TNKS2: variants seen among roughly 807,000 people sequenced by gnomAD.
The protein encoded by TNKS2 is poly [ADP-ribose] polymerase tankyrase-2.
A neutral mutation model predicts 137.6 loss-of-function variants in TNKS2; 72 were observed. That is an observed-to-expected ratio of 0.52 (90% CI 0.43 to 0.64). The LOEUF is 0.64. TNKS2 is among the 30% of genes least tolerant of loss of function. TNKS2 has a pLI of 0.00. For synonymous variants in TNKS2, 516 were observed against 512.1 expected (o/e 1.01, Z -0.10); for missense variants, 1,049 against 1,410.2 (o/e 0.74, Z 4.10).
At chr10:91,810,513 GT>G (rs1564604061) in intron 1 of TNKS2, among the ~76,000 whole-genome samples, 1 of 151,444 alleles carries the variant, frequency 6.6e-6, no homozygotes, top group Admixed American at 6.6e-5. Context: ...GTTTTGTTTT[GT>G]TTTTTTGAGA....
At chr10:91,836,316 A>G (rs933532957) in intron 12 of TNKS2, among the ~76,000 whole-genome samples, 14 of 151,750 alleles carry the variant, frequency 9.2e-5, no homozygotes, top group Non-Finnish European at 1.6e-4. Context: ...TTCTTCTAGT[A>G]TTTTTAGGGT....
At chr10:91,851,163 G>GA (rs1408621232) in intron 20 of TNKS2, 53 bp from the exon 21 acceptor site, 1 of 1,597,520 alleles carries the variant, frequency 6.3e-7, no homozygotes, top group East Asian at 2.2e-5. Context: ...ACCAATATAT[G>GA]AATGTCCACC....
chr10:91,830,365 G>A (rs1362209546), intron 9 of TNKS2, among the ~76,000 whole-genome samples: 1 of 152,004 alleles, frequency 6.6e-6, no homozygotes, highest in East Asian at 1.9e-4. Context: ...TTACAGGCAC[G>A]TGCCACCACG....
chr10:91,819,892 T>G, intron 5 of TNKS2, 47 bp from the exon 6 acceptor site: 3 of 1,417,412 alleles, frequency 2.1e-6, no homozygotes, highest in Non-Finnish European at 2.9e-6. Context: ...ACACATTTTA[T>G]TCAACCATTA....
chr10:91,856,738 T>TA (rs1289644764), intron 23 of TNKS2, among the ~76,000 whole-genome samples: 2 of 152,216 alleles, frequency 1.3e-5, no homozygotes, highest in Non-Finnish European at 1.5e-5. Flanking sequence ...TTGTGACAGT[T>TA]ACGATCCTTG....
In TNKS2 at chr10:91,844,028, C is replaced by T. The variant is rs551473675; in HGVS notation, c.2060-891C>T. Among the ~76,000 whole-genome samples, 3 of 152,304 alleles carry T rather than the reference C, an allele frequency of 2.0e-5. No individual in the cohort carries two copies. In the South Asian group the frequency reaches 6.2e-4, roughly 32 times the overall value. ...CCACTGGCTATCAGGAGTTTCTAGTCCATGCAAGACAAAATATGACTTGAC... is the reference window on the plus strand; with the variant it reads ...CCACTGGCTATCAGGAGTTTCTAGTTCATGCAAGACAAAATATGACTTGAC... On this transcript the variant is annotated intron_variant, in intron 16 of 26. Transcript: ENST00000371627.
chr10:91,815,906 T>G (rs1441258275), intron 2 of TNKS2, among the ~76,000 whole-genome samples: 1 of 150,844 alleles, frequency 6.6e-6, no homozygotes, highest in African/African-American at 2.4e-5. Context: ...TTCATAATAA[T>G]ACAAATAATA....
chr10:91,807,415 C>A (rs929440710), intron 1 of TNKS2: 13 of 1,614,020 alleles, frequency 8.1e-6, no homozygotes, highest in Middle Eastern at 1.7e-4. Context: ...CGGCTGAACT[C>A]CTCCCAGGTC....
intron 1 of TNKS2, among the ~76,000 whole-genome samples, chr10:91,807,864 C>T (rs986490403): frequency 1.1e-4 from 17 of 151,830 alleles, no homozygotes; most frequent in Admixed American, 4.6e-4. Context: ...GGCGTGGTGG[C>T]GGGCACCTGT....
At chr10:91,860,849 G>A (rs547571756) in intron 25 of TNKS2, among the ~76,000 whole-genome samples, 34 of 152,226 alleles carry the variant, frequency 2.2e-4, no homozygotes, top group Admixed American at 1.4e-3. Context: ...TCATAAATTG[G>A]AGTGGTTAGG....
chr10:91,804,768 GGGT>G (rs1237332379), intron 1 of TNKS2, among the ~76,000 whole-genome samples: 1 of 152,108 alleles, frequency 6.6e-6, no homozygotes, highest in Non-Finnish European at 1.5e-5. Flanking sequence ...GGGGTTGTGG[GGGT>G]GAGGCACAGA....
At position 91,807,487 on chromosome 10, in the gene TNKS2, G is replaced by A. The variant is rs1043372369; in HGVS notation, c.200-5496G>A. On this transcript the variant is annotated intron_variant, in intron 1 of 26. Transcript: ENST00000371627. Reference sequence around the variant, plus strand: ...AAGAGAAGCAAGGCCTCAGAACCCGGCCCAACAAACTACCTACGTCCGGGA... The same window carrying A: ...AAGAGAAGCAAGGCCTCAGAACCCGACCCAACAAACTACCTACGTCCGGGA... 2.6e-6 allele frequency: 4 copies of A among 1,557,010 alleles called. No individual in the cohort carries two copies. In the African/African-American group the frequency reaches 4.1e-5, roughly 16 times the overall value.
intron 14 of TNKS2, 145 bp from the exon 15 acceptor site, chr10:91,841,138 C>A: frequency 1.4e-6 from 1 of 697,550 alleles, no homozygotes; most frequent in Non-Finnish European, 2.1e-6. Context: ...GAACTTATTT[C>A]TGCCTTAAAT....
intron 4 of TNKS2, 72 bp from the exon 5 acceptor site, chr10:91,819,410 A>G (rs1844814855): frequency 7.2e-6 from 10 of 1,386,774 alleles, no homozygotes; most frequent in Admixed American, 2.7e-5. Flanking sequence ...TTTTTTTTTA[A>G]TGGTTACAGT....
At chr10:91,841,151 A>G (rs746573855) in intron 14 of TNKS2, 132 bp from the exon 15 acceptor site, 137 of 800,592 alleles carry the variant, frequency 1.7e-4, no homozygotes, top group Non-Finnish European at 2.1e-4. Flanking sequence ...CCTTAAATAG[A>G]TTTAGGTTCT....
intron 24 of TNKS2, among the ~76,000 whole-genome samples, chr10:91,858,757 C>T (rs558468864): frequency 6.6e-6 from 1 of 152,238 alleles, no homozygotes. Context: ...GCCTGTAATC[C>T]CAACACTTTG....
In TNKS2 at chr10:91,851,181, TAA is replaced by T. The variant is rs780115239; in HGVS notation, c.2695-34_2695-33del. ...AATATATGAATGTCCACCAAATAAGTAAGCATTCTAAGTAGTTTCCTCCTCTT... is the reference window on the plus strand; with the variant it reads ...AATATATGAATGTCCACCAAATAAGTGCATTCTAAGTAGTTTCCTCCTCTT... On this transcript the variant is annotated intron_variant, in intron 20 of 26. Coordinates refer to ENST00000371627, the MANE Select transcript of TNKS2 (RefSeq NM_025235.4). The T allele has an allele frequency of 3.1e-6, 5 of 1,608,744 alleles. No individual in the cohort carries two copies. In the African/African-American group the frequency reaches 6.7e-5, roughly 22 times the overall value.
At chr10:91,849,395 G>T in intron 19 of TNKS2, 117 bp from the exon 20 acceptor site, 1 of 701,982 alleles carries the variant, frequency 1.4e-6, no homozygotes, top group Non-Finnish European at 2.3e-6. Context: ...TATCCTAAGT[G>T]GCTATTAATA....
At chr10:91,835,691 G>A (rs1172142733) in intron 12 of TNKS2, among the ~76,000 whole-genome samples, 2 of 148,046 alleles carry the variant, frequency 1.4e-5, no homozygotes. Context: ...ACAGTGCTGC[G>A]ATCTTGGCTC....
Sources: allele counts gnomAD v4.1 joint callset (sites outside exome capture counted in the v4.1 genomes callset), GRCh38; gene constraint gnomAD v4.1.1; transcripts MANE v1.5; gene names NCBI Gene and HGNC (gene_info 2026-07-23, HGNC 2026-07-21).